The following EXOC3 variants were observed in gnomAD, a reference collection of about 807,000 sequenced individuals.
The protein encoded by EXOC3 is exocyst complex component 3.
In EXOC3, 21 loss-of-function variants were observed where a neutral mutation model predicts 73.7. The observed-to-expected ratio is 0.29, with a 90% confidence interval of 0.20 to 0.41. The LOEUF is 0.41. EXOC3 is among the 10% of genes least tolerant of loss of function. The pLI is 1.00. For synonymous variants in EXOC3, 410 were observed against 389.1 expected (o/e 1.05, Z -0.63); for missense variants, 842 against 985.1 (o/e 0.85, Z 1.95).
At chr5:454,703 T>C (rs1247380344) in intron 4 of EXOC3, among the ~76,000 whole-genome samples, 1 of 152,162 alleles carries the variant, frequency 6.6e-6, no homozygotes, top group Non-Finnish European at 1.5e-5. Flanking sequence ...GTGGTGGGGG[T>C]ATTCTGAAAT....
At chr5:462,673 G>C (rs891617556) in intron 9 of EXOC3, 2 of 210,952 alleles carry the variant, frequency 9.5e-6, no homozygotes, top group African/African-American at 4.6e-5. Flanking sequence ...AGGTACACAC[G>C]CAAAAATCAT....
chr5:459,321 A>G lies in EXOC3; in HGVS notation c.1291-38A>G, dbSNP rs976912129. ...ACCTGCACTCTTAGTATACTCCTGT[A>G]AGATTATACCAGAATTCATAAGTTC... On this transcript the variant is annotated intron_variant, in intron 6 of 12. Coordinates refer to ENST00000512944, the MANE Select transcript of EXOC3 (RefSeq NM_007277.5). 7 of 1,197,146 alleles carry G rather than the reference A, an allele frequency of 5.8e-6. No homozygotes were observed. In the Admixed American group the frequency reaches 8.8e-5, roughly 15 times the overall value. The allele number at this position is 1,197,146 out of a possible 1,614,324, so 74.2% of individuals were successfully genotyped here. A position where few individuals can be genotyped will look rare whatever the true frequency, so the allele number is the denominator to read the frequency against.
At chr5:458,132 A>G (rs953078403) in intron 6 of EXOC3, 107 bp downstream of exon 6, 10 of 1,228,420 alleles carry the variant, frequency 8.1e-6, no homozygotes, top group Non-Finnish European at 1.1e-5. Context: ...CACAGAGTGT[A>G]GTAAAAATAT....
intron 2 of EXOC3, 54 bp downstream of exon 2, chr5:446,403 T>G (rs1311380941): frequency 2.0e-6 from 3 of 1,487,330 alleles, no homozygotes; most frequent in Non-Finnish European, 2.7e-6. Context: ...GGTTCTTGCT[T>G]GACATCACCA....
intron 6 of EXOC3, among the ~76,000 whole-genome samples, 183 bp from the exon 7 acceptor site, chr5:459,176 A>C (rs1261514791): frequency 1.8e-5 from 2 of 108,694 alleles, no homozygotes; most frequent in Non-Finnish European, 3.5e-5. Flanking sequence ...CAGGTGAGAA[A>C]GTTGTTTTTT....
In EXOC3 at chr5:466,656, G is replaced by A. The variant is rs552175358; in HGVS notation, c.2067-71G>A. The A allele has an allele frequency of 4.7e-6, 7 of 1,480,666 alleles. No homozygotes were observed. In the Admixed American group the frequency reaches 8.0e-5, roughly 17 times the overall value. The allele number at this position is 1,480,666 out of a possible 1,614,324, so 91.7% of individuals were successfully genotyped here. On this transcript the variant is annotated intron_variant, in intron 12 of 12. Transcript: ENST00000512944. ...TTCTGTCAGCTGGGGTGGTGAAGCCGTGAGTCCCTGGCAGCGTGGTGCATC... is the reference window on the plus strand; with the variant it reads ...TTCTGTCAGCTGGGGTGGTGAAGCCATGAGTCCCTGGCAGCGTGGTGCATC...
At chr5:462,468 T>G in intron 9 of EXOC3, 161 bp downstream of exon 9, 1 of 692,794 alleles carries the variant, frequency 1.4e-6, no homozygotes, top group South Asian at 1.8e-5. Flanking sequence ...GCCTCCGTTT[T>G]CGGTGACGCT....
At position 466,877 on chromosome 5, in the gene EXOC3, C is replaced by T. The variant is rs769703693; in HGVS notation, c.2217C>T (p.Asn739=). ...AGGACATTGTGGTGCCCAGCCTGAA[C>T]GTGGCCAAGCTGCTCAAGTAGCCTC... ...LFKDIVVPSL[N]VAKLLK The change falls in exon 13 of 13, where the codon AAC becomes AAT. Residue 739 remains asparagine, a synonymous_variant. Coordinates refer to ENST00000512944, the MANE Select transcript of EXOC3 (RefSeq NM_007277.5). The T allele has an allele frequency of 2.1e-5, 34 of 1,609,424 alleles. No homozygotes were observed. In the Middle Eastern group the frequency reaches 5.0e-4, roughly 23 times the overall value.
chr5:466,664 C>G (rs80008806), intron 12 of EXOC3, 63 bp from the exon 13 acceptor site: 24,182 of 1,521,988 alleles, frequency 0.016, 463 homozygotes, highest in Admixed American at 0.064. Context: ...CCGTGAGTCC[C>G]TGGCAGCGTG....
In EXOC3 at chr5:459,339, A is replaced by G; in HGVS notation, c.1291-20A>G. ...CTCCTGTAAGATTATACCAGAATTC[A>G]TAAGTTCTCTGATTTTTAGATGTTT... On this transcript the variant is annotated intron_variant, in intron 6 of 12. Transcript: ENST00000512944. The G allele has an allele frequency of 1.4e-6, 2 of 1,393,962 alleles. No individual in the cohort carries two copies. Among genetic ancestry groups the G allele is most frequent in the Non-Finnish European group, 2.0e-6 (2 of 1,007,940 alleles). 86.3% of individuals were successfully genotyped at this position (1,393,962 alleles called of 1,614,324 possible). A position where few individuals can be genotyped will look rare whatever the true frequency, so the allele number is the denominator to read the frequency against.
At chr5:444,200 T>C (rs1737435929) in intron 1 of EXOC3, among the ~76,000 whole-genome samples, 2 of 152,264 alleles carry the variant, frequency 1.3e-5, no homozygotes, top group Admixed American at 6.5e-5. Context: ...TGGTAGGGGC[T>C]GGACCTGGGT....
chr5:445,597 A>G (rs1195687250), intron 1 of EXOC3, among the ~76,000 whole-genome samples: 1 of 151,912 alleles, frequency 6.6e-6, no homozygotes, highest in Middle Eastern at 3.2e-3. Flanking sequence ...CTCGTGATCC[A>G]CCCGCCTCGG....
Position 456,943 on chromosome 5 carries a change from G to A in EXOC3, c.1101G>A (p.Leu367=). 6.2e-7 allele frequency: 1 copy of A among 1,614,052 alleles called. No individual in the cohort carries two copies. Among genetic ancestry groups the A allele is most frequent in the Non-Finnish European group, 8.5e-7 (1 of 1,179,892 alleles). ...ELAPEVDVGT[L]EPLLSPHVVS... The stretch of plus-strand genomic sequence containing the variant: ...CCCCGGAAGTGGATGTCGGCACCCT[G>A]GAGCCATTGCTTTCTCCACACGTGG... Residue 367 remains leucine, a synonymous_variant, in exon 5 of 13, where the codon CTG becomes CTA. Transcript: ENST00000512944.
At chr5:449,315 C>G (rs1421398918) in intron 3 of EXOC3, among the ~76,000 whole-genome samples, 1 of 152,156 alleles carries the variant, frequency 6.6e-6, no homozygotes, top group Non-Finnish European at 1.5e-5. Context: ...TACAGTTTGC[C>G]GTCTTAACCA....
In EXOC3 at chr5:462,287, G is replaced by A; in HGVS notation, c.1633G>A (p.Glu545Lys). 1 of 1,613,988 alleles carries A rather than the reference G, an allele frequency of 6.2e-7. No homozygotes were observed. ...AKEGCSGLLEEVFLDLEQHLN... is the reference protein window; with the variant it reads ...AKEGCSGLLEKVFLDLEQHLN... ...GGAGGGCTGCAGCGGTTTGCTGGAG[G>A]AGGTCTTCCTGGACCTGGAGGTGGG... is the stretch of plus-strand genomic sequence containing the variant. Residue 545 changes from glutamate (E) to lysine (K), a missense_variant, in exon 9 of 13, where the codon GAG becomes AAG. Transcript: ENST00000512944.
chr5:454,047 A>T lies in EXOC3; in HGVS notation c.1042A>T (p.Thr348Ser). The stretch of plus-strand genomic sequence containing the variant: ...CTTGACGTGGGTCTTAAACACCTAC[A>T]CAAGGTAAAGCTAACCTGGCGCCTG... The part of the protein sequence containing the change: ...SLLTWVLNTY[T>S]STEMMRNVEL... Residue 348 changes from threonine (T) to serine (S), a missense_variant, in exon 4 of 13, where the codon ACA becomes TCA. Physicochemically the swap from Thr to Ser is moderately conservative, Grantham distance 58. Transcript: ENST00000512944. 6.3e-7 allele frequency: 1 copy of T among 1,599,982 alleles called. No individual in the cohort carries two copies. The highest frequency in any genetic ancestry group is 8.5e-7 in the Non-Finnish European group (1 of 1,173,338).
At chr5:455,729 G>A (rs1050861993) in intron 4 of EXOC3, among the ~76,000 whole-genome samples, 6 of 152,142 alleles carry the variant, frequency 3.9e-5, no homozygotes, top group Non-Finnish European at 5.9e-5. Flanking sequence ...TCAGCCTCCC[G>A]AGTACCTGGG....
At chr5:458,965 C>T (rs1281064724) in intron 6 of EXOC3, among the ~76,000 whole-genome samples, 1 of 152,228 alleles carries the variant, frequency 6.6e-6, no homozygotes, top group Non-Finnish European at 1.5e-5. Context: ...CTGGCACACC[C>T]CAGGTCCAGA....
Position 466,671 on chromosome 5 carries a change from C to T in EXOC3, c.2067-56C>T, listed in dbSNP as rs1305683676. On this transcript the variant is annotated intron_variant, in intron 12 of 12. Transcript: ENST00000512944. ...TGGTGAAGCCGTGAGTCCCTGGCAG[C>T]GTGGTGCATCACAGGGCTGCTAAGT... The T allele has an allele frequency of 5.8e-6, 9 of 1,538,780 alleles. No individual in the cohort carries two copies. In the Admixed American group the frequency reaches 7.2e-5, roughly 12 times the overall value.
Sources: gnomAD v4.1 joint callset for allele counts (sites outside exome capture counted in the v4.1 genomes callset) on GRCh38, gnomAD v4.1.1 for gene constraint, MANE v1.5 for transcripts, NCBI Gene and HGNC (gene_info 2026-07-23, HGNC 2026-07-21) for gene names.